Variants in NRSN1 observed in about 807,000 individuals in gnomAD.
NRSN1 encodes neurensin 1.
Under a neutral mutation model 17.3 loss-of-function variants are expected in NRSN1, and 14 were observed. The ratio of observed to expected loss-of-function variants is 0.81; its 90% CI spans 0.54 to 1.27. The LOEUF is 1.27. NRSN1 is among the 50% of genes most tolerant of loss of function. NRSN1 has a pLI of 0.00. For synonymous variants in NRSN1, 79 were observed against 94.2 expected (o/e 0.84, Z 0.93); for missense variants, 209 against 235.9 (o/e 0.89, Z 0.75).
intron 2 of NRSN1, among the ~76,000 whole-genome samples, chr6:24,131,027 C>T (rs761746739): frequency 2.0e-5 from 3 of 152,176 alleles, no homozygotes; most frequent in Non-Finnish European, 2.9e-5. Flanking sequence ...TAGCACAAAA[C>T]AGACCATGTT....
intron 3 of NRSN1, among the ~76,000 whole-genome samples, chr6:24,136,015 C>T (rs994605797): frequency 6.6e-6 from 1 of 152,116 alleles, no homozygotes; most frequent in African/African-American, 2.4e-5. Flanking sequence ...GCTGTATAGC[C>T]TAATAATTAT....
rs751168423 is a variant in NRSN1 at position 24,142,191 on chromosome 6, C to CTTTTTTTTTTTT, written c.190-3345_190-3334dup. ...AGCACTTATGTCTTATACAGAACAG[C>CTTTTTTTTTTTT]TTTTTTTTTTTTTTTTTTTTTTTCA... is the stretch of plus-strand genomic sequence containing the variant. On this transcript the variant is annotated intron_variant, in intron 3 of 3. Coordinates refer to ENST00000378491, the MANE Select transcript of NRSN1 (RefSeq NM_080723.5). 2.9e-4 allele frequency among the ~76,000 whole-genome samples: 13 copies of CTTTTTTTTTTTT among 44,458 alleles called. 3 individuals are homozygous for CTTTTTTTTTTTT. The highest frequency in any genetic ancestry group is 1.3e-3 in the East Asian group (2 of 1,496). The allele number at this position is 44,458 out of a possible 152,430, so 29.2% of individuals were successfully genotyped here. A position where few individuals can be genotyped will look rare whatever the true frequency, so the allele number is the denominator to read the frequency against.
intron 3 of NRSN1, among the ~76,000 whole-genome samples, chr6:24,142,212 T>TTC (rs1554140619): frequency 4.5e-5 from 6 of 134,512 alleles, no homozygotes; most frequent in Non-Finnish European, 9.9e-5. Context: ...TTTTTTTTTT[T>TTC]TTCAGAAGAC....
intron 3 of NRSN1, chr6:24,140,798 G>T: frequency 8.1e-7 from 1 of 1,227,376 alleles, no homozygotes. Context: ...GGCCTCATCA[G>T]CTCACTGGGA....
chr6:24,140,945 T>A (rs1760194389), intron 3 of NRSN1: 1 of 1,333,708 alleles, frequency 7.5e-7, no homozygotes, highest in Non-Finnish European at 9.7e-7. Context: ...TTTTCACACA[T>A]CCTCCCACAG....
chr6:24,142,766 T>C (rs751960692), intron 3 of NRSN1, among the ~76,000 whole-genome samples: 1 of 152,106 alleles, frequency 6.6e-6, no homozygotes, highest in African/African-American at 2.4e-5. Flanking sequence ...GTGTTACAAC[T>C]CATAAAGGTA....
In NRSN1 at chr6:24,146,447, T is replaced by G. The variant is rs1760307489; in HGVS notation, c.*501T>G. The stretch of plus-strand genomic sequence containing the variant: ...GCCGAACATGAGTTTTTAGACTGTA[T>G]CTTGACATGAGGTTCCTGACATTGG... On this transcript the variant is annotated 3_prime_UTR_variant, in exon 4 of 4. Coordinates refer to ENST00000378491, the MANE Select transcript of NRSN1 (RefSeq NM_080723.5). 23 of 359,178 alleles carry G rather than the reference T, an allele frequency of 6.4e-5. No individual in the cohort carries two copies. The highest frequency in any genetic ancestry group is 5.0e-4 in the South Asian group (23 of 46,132). 22.2% of individuals were successfully genotyped at this position (359,178 alleles called of 1,614,324 possible). A position where few individuals can be genotyped will look rare whatever the true frequency, so the allele number is the denominator to read the frequency against.
At chr6:24,128,404 TA>T (rs1279643137) in intron 2 of NRSN1, among the ~76,000 whole-genome samples, 1 of 152,228 alleles carries the variant, frequency 6.6e-6, no homozygotes, top group African/African-American at 2.4e-5. Flanking sequence ...TTAAAAATTA[TA>T]AAAGTGGTTG....
intron 3 of NRSN1, 83 bp downstream of exon 3, chr6:24,134,599 GT>G: frequency 9.0e-7 from 1 of 1,108,784 alleles, no homozygotes; most frequent in Non-Finnish European, 1.3e-6. Context: ...GGATGGAGAG[GT>G]TTAGTACTCG....
chr6:24,138,637 C>A (rs1016903675), intron 3 of NRSN1, among the ~76,000 whole-genome samples: 1 of 152,146 alleles, frequency 6.6e-6, no homozygotes, highest in Non-Finnish European at 1.5e-5. Context: ...TCCTCCACAG[C>A]CTTACAAACT....
At chr6:24,141,643 T>C (rs1487900652) in intron 3 of NRSN1, 1 of 152,258 alleles carries the variant, frequency 6.6e-6, no homozygotes, top group Non-Finnish European at 1.5e-5. Flanking sequence ...GTTCTTCAAG[T>C]GAACAGGAAT....
chr6:24,143,863 G>C (rs1760259765), intron 3 of NRSN1, among the ~76,000 whole-genome samples: 1 of 152,222 alleles, frequency 6.6e-6, no homozygotes, highest in South Asian at 2.1e-4. Flanking sequence ...AGTCCTCTAT[G>C]AGGTAGGTAT....
At chr6:24,135,960 A>G (rs1365112861) in intron 3 of NRSN1, among the ~76,000 whole-genome samples, 1 of 152,208 alleles carries the variant, frequency 6.6e-6, no homozygotes, top group Admixed American at 6.5e-5. Flanking sequence ...TGACATGGAT[A>G]TTGACATAAA....
intron 3 of NRSN1, among the ~76,000 whole-genome samples, chr6:24,142,212 T>TTTTTC (rs1484150562): frequency 1.3e-4 from 17 of 134,600 alleles, no homozygotes; most frequent in South Asian, 5.0e-4. Context: ...TTTTTTTTTT[T>TTTTTC]TTCAGAAGAC....
intron 3 of NRSN1, among the ~76,000 whole-genome samples, chr6:24,144,892 A>G (rs187315534): frequency 7.8e-4 from 118 of 151,886 alleles, no homozygotes; most frequent in African/African-American, 2.7e-3. Flanking sequence ...GCTCCTGGAT[A>G]TCAGGGCTAC....
At chr6:24,138,193 C>A (rs951559635) in intron 3 of NRSN1, among the ~76,000 whole-genome samples, 6 of 152,148 alleles carry the variant, frequency 3.9e-5, no homozygotes, top group African/African-American at 1.4e-4. Context: ...CACAAACACA[C>A]ACATACACAG....
chr6:24,137,447 T>C (rs1760133341), intron 3 of NRSN1, among the ~76,000 whole-genome samples: 1 of 152,176 alleles, frequency 6.6e-6, no homozygotes. Context: ...TCTTCACCTC[T>C]GAATAAGATA....
At chr6:24,140,744 G>C (rs1264256259) in intron 3 of NRSN1, among the ~76,000 whole-genome samples, 1 of 152,214 alleles carries the variant, frequency 6.6e-6, no homozygotes, top group Non-Finnish European at 1.5e-5. Flanking sequence ...CAGCTGCGCC[G>C]CGACTGCTGC....
chr6:24,126,939 C>T (rs1023365710), intron 1 of NRSN1, among the ~76,000 whole-genome samples: 7 of 152,144 alleles, frequency 4.6e-5, no homozygotes, highest in African/African-American at 1.7e-4. Flanking sequence ...TGGTTCCTGG[C>T]ACTGTAACAG....
Sources: allele counts gnomAD v4.1 joint callset (sites outside exome capture counted in the v4.1 genomes callset), GRCh38; gene constraint gnomAD v4.1.1; transcripts MANE v1.5; gene names NCBI Gene and HGNC (gene_info 2026-07-23, HGNC 2026-07-21).